PPP1R21: variants seen among roughly 807,000 people sequenced by gnomAD.
PPP1R21 encodes the protein protein phosphatase 1 regulatory subunit 21.
Under a neutral mutation model 112.8 loss-of-function variants are expected in PPP1R21, and 85 were observed. The observed-to-expected ratio is 0.75, with a 90% confidence interval of 0.63 to 0.90. The LOEUF (loss-of-function observed/expected upper bound fraction) is 0.90, where lower values mean the gene tolerates loss of function less well. Among genes scored for constraint, PPP1R21 ranks in the 40% least tolerant of loss-of-function variants. The pLI is 0.00. For missense variants in PPP1R21, 1,199 were observed against 901.5 expected (o/e 1.33, Z -4.23); for synonymous variants, 381 against 322.3 (o/e 1.18, Z -1.95).
intron 20 of PPP1R21, among the ~76,000 whole-genome samples, chr2:48,510,725 C>T (rs942562396): frequency 2.9e-4 from 44 of 152,202 alleles, no homozygotes; most frequent in African/African-American, 1.1e-3. Flanking sequence ...AGGGACGGTG[C>T]TGCCGGGAGG....
chr2:48,511,422 T>C lies in PPP1R21; in HGVS notation c.2267T>C (p.Leu756Ser). The change falls in exon 21 of 22, where the codon TTA becomes TCA. Residue 756 changes from leucine to serine, a missense_variant. Leu to Ser is a moderately radical substitution (Grantham distance 145, BLOSUM62 -2). Transcript: ENST00000294952. ...SDHLCSMNETLSKQREEIDTL... is the reference protein window; with the variant it reads ...SDHLCSMNETSSKQREEIDTL... ...CACCTGTGCAGCATGAATGAGACAT[T>C]ATCTAAACAGAGAGAAGAGATTGAC... 6.2e-7 allele frequency: 1 copy of C among 1,614,072 alleles called. No homozygotes were observed. The highest frequency in any genetic ancestry group is 8.5e-7 in the Non-Finnish European group (1 of 1,179,996).
rs1670426116 is a variant in PPP1R21, at chr2:48,507,287, C to T, written c.1987C>T (p.Arg663Cys). The T allele has an allele frequency of 7.0e-6, 11 of 1,562,038 alleles. No homozygotes were observed. Among genetic ancestry groups the T allele is most frequent in the South Asian group, 2.4e-5 (2 of 81,930 alleles). Residue 663 changes from arginine to cysteine, a missense_variant, in exon 19 of 22, where the codon CGT becomes TGT. Coordinates refer to ENST00000294952, the MANE Select transcript of PPP1R21 (RefSeq NM_001135629.3). Reference sequence around the variant, plus strand: ...TATTTAGGTTCCAGATGTGGAATCTCGTGAAGACTTAATTAAAAATCACTA... The same window carrying T: ...TATTTAGGTTCCAGATGTGGAATCTTGTGAAGACTTAATTAAAAATCACTA... ...SDSEVPDVES[R>C]EDLIKNHYMA... is the part of the protein sequence containing the mutation.
chr2:48,511,105 C>T (rs951065190), intron 20 of PPP1R21, among the ~76,000 whole-genome samples: 1 of 152,016 alleles, frequency 6.6e-6, no homozygotes, highest in Non-Finnish European at 1.5e-5. Flanking sequence ...TATTTTGATA[C>T]CTTTGTACAG....
At chr2:48,505,309 C>T (rs999463950) in intron 17 of PPP1R21, among the ~76,000 whole-genome samples, 1 of 152,208 alleles carries the variant, frequency 6.6e-6, no homozygotes, top group African/African-American at 2.4e-5. Context: ...TGTTGGGTTT[C>T]AGTGAGAATG....
intron 9 of PPP1R21, among the ~76,000 whole-genome samples, chr2:48,468,665 A>G (rs1268339403): frequency 6.6e-6 from 1 of 151,994 alleles, no homozygotes; most frequent in Non-Finnish European, 1.5e-5. Flanking sequence ...AAAAACAAAA[A>G]TTAGCCAGGT....
At chr2:48,470,954 A>G (rs1572854842) in intron 9 of PPP1R21, 133 bp from the exon 10 acceptor site, 1 of 628,950 alleles carries the variant, frequency 1.6e-6, no homozygotes, top group Non-Finnish European at 2.8e-6. Context: ...ACTTGAGCAC[A>G]GGAGTTTGAG....
rs560476160 is a variant in PPP1R21 at position 48,500,708 on chromosome 2, C to T, written c.1935+1973C>T. 2.6e-5 allele frequency among the ~76,000 whole-genome samples: 4 copies of T among 152,126 alleles called. No individual in the cohort carries two copies. In the East Asian group the frequency reaches 7.7e-4, roughly 29 times the overall value. On this transcript the variant is annotated intron_variant, in intron 17 of 21. Coordinates refer to ENST00000294952, the MANE Select transcript of PPP1R21 (RefSeq NM_001135629.3). Reference sequence around the variant, plus strand: ...GGTGGATTGCCTGAGCTCAGGAGTTCGAGACCTGGGCAACAAGGTGAAACC... The same window carrying T: ...GGTGGATTGCCTGAGCTCAGGAGTTTGAGACCTGGGCAACAAGGTGAAACC...
chr2:48,503,753 C>A (rs927535331), intron 17 of PPP1R21, among the ~76,000 whole-genome samples: 2 of 151,850 alleles, frequency 1.3e-5, no homozygotes. Flanking sequence ...CGAAACCAGC[C>A]TGGCCAACAT....
intron 12 of PPP1R21, among the ~76,000 whole-genome samples, chr2:48,477,641 G>A (rs931598668): frequency 1.3e-5 from 2 of 150,576 alleles, no homozygotes; most frequent in Admixed American, 1.3e-4. Flanking sequence ...AGCAAATTTC[G>A]AGATTAGGAA....
intron 3 of PPP1R21, 48 bp downstream of exon 3, chr2:48,454,789 G>C (rs1192640845): frequency 7.0e-7 from 1 of 1,430,116 alleles, no homozygotes; most frequent in Non-Finnish European, 9.9e-7. Context: ...GTTAGTTACT[G>C]ACACCTACAG....
In PPP1R21 at chr2:48,479,963, C is replaced by G. The variant is rs201866798; in HGVS notation, c.1265C>G (p.Ser422Cys). 2 of 1,613,226 alleles carry G rather than the reference C, an allele frequency of 1.2e-6. No homozygotes were observed. The highest frequency in any genetic ancestry group is 2.2e-5 in the East Asian group (1 of 44,876). ...PDGLLRTNYS[S>C]VLTNVGAALH... ...GGACTCCTTCGGACAAACTACAGTT[C>G]TGTGTTAACAAATGTTGGTGCTGCT... Residue 422 changes from serine (S) to cysteine (C), a missense_variant, in exon 13 of 22, where the codon TCT becomes TGT. By Grantham distance (112) the Ser-to-Cys change is moderately radical. Coordinates refer to ENST00000294952, the MANE Select transcript of PPP1R21 (RefSeq NM_001135629.3).
chr2:48,490,943 G>T, intron 14 of PPP1R21, 75 bp from the exon 15 acceptor site: 2 of 1,320,104 alleles, frequency 1.5e-6, no homozygotes, highest in South Asian at 1.3e-5. Context: ...AAACTTTGCT[G>T]CAAAAACTAT....
At chr2:48,496,733 C>G (rs919345630) in intron 16 of PPP1R21, among the ~76,000 whole-genome samples, 1 of 152,214 alleles carries the variant, frequency 6.6e-6, no homozygotes, top group Non-Finnish European at 1.5e-5. Flanking sequence ...TCCCAAAGTG[C>G]TGGGATTACA....
intron 3 of PPP1R21, among the ~76,000 whole-genome samples, chr2:48,457,631 T>G (rs1186361417): frequency 6.6e-6 from 1 of 152,176 alleles, no homozygotes; most frequent in Non-Finnish European, 1.5e-5. Flanking sequence ...TAGCTTTATT[T>G]TATATATTTT....
In PPP1R21 at chr2:48,461,201, CA is replaced by C. The variant is rs1209942773; in HGVS notation, c.664del (p.Ile222SerfsTer18). On this transcript the variant is annotated frameshift_variant, in exon 7 of 22. Coordinates refer to ENST00000294952, the MANE Select transcript of PPP1R21 (RefSeq NM_001135629.3). LOFTEE classifies it high-confidence loss of function. The part of the protein sequence containing the change: ...SGRLEESLSI[I>X]NEKVPFNDTK... ...GTAGATTAGAGGAATCCTTATCAAT[CA>C]TCAATGAAAAAGTACCTTTTAATGA... 1 of 1,573,276 alleles carries C rather than the reference CA, an allele frequency of 6.4e-7. No individual in the cohort carries two copies. The highest frequency in any genetic ancestry group is 8.6e-7 in the Non-Finnish European group (1 of 1,166,304).
At chr2:48,487,095 T>C (rs1669335563) in intron 14 of PPP1R21, among the ~76,000 whole-genome samples, 1 of 152,180 alleles carries the variant, frequency 6.6e-6, no homozygotes, top group South Asian at 2.1e-4. Flanking sequence ...GTCTTGGATG[T>C]GTAGATCACT....
chr2:48,486,441 C>G (rs1346483328), intron 13 of PPP1R21, among the ~76,000 whole-genome samples, 190 bp from the exon 14 acceptor site: 1 of 152,156 alleles, frequency 6.6e-6, no homozygotes, highest in Non-Finnish European at 1.5e-5. Flanking sequence ...GAGATCCTTA[C>G]TTCTCTCTGT....
chr2:48,499,850 C>T (rs1670026664), intron 17 of PPP1R21, among the ~76,000 whole-genome samples: 1 of 152,154 alleles, frequency 6.6e-6, no homozygotes. Flanking sequence ...TTACACTATT[C>T]TGTTCACTGT....
At chr2:48,441,245 T>G in intron 1 of PPP1R21, 1 of 579,698 alleles carries the variant, frequency 1.7e-6, no homozygotes, top group Non-Finnish European at 3.1e-6. Flanking sequence ...GGAGTTTGAT[T>G]CTTCCTTTTC....
Sources: allele counts gnomAD v4.1 joint callset (sites outside exome capture counted in the v4.1 genomes callset), GRCh38; gene constraint gnomAD v4.1.1; transcripts MANE v1.5; gene names NCBI Gene and HGNC (gene_info 2026-07-23, HGNC 2026-07-21).